ABCG8: variants seen among roughly 807,000 people sequenced by gnomAD.
The protein encoded by ABCG8 is ATP binding cassette subfamily G member 8.
In ABCG8, 81 loss-of-function variants were observed where a neutral mutation model predicts 71.3. The observed-to-expected ratio is 1.14, with a 90% CI of 0.95 to 1.37. The LOEUF is 1.37. Ranked by LOEUF, ABCG8 falls within the 40% of genes most tolerant of loss-of-function variation. ABCG8 has a pLI of 0.00. For missense variants in ABCG8, 1,119 were observed against 866.2 expected, an observed-to-expected ratio of 1.29 and a Z score of -3.66; for synonymous variants, 451 against 354.7, an observed-to-expected ratio of 1.27 and a Z score of -3.05.
chr2:43,872,810 C>T (rs915263472), intron 8 of ABCG8, among the ~76,000 whole-genome samples: 2 of 152,228 alleles, frequency 1.3e-5, no homozygotes, highest in Middle Eastern at 3.4e-3. Flanking sequence ...ATATCCTCAC[C>T]GGCTGGAAGA....
rs1360434465 is a variant in ABCG8, at chr2:43,872,215, C to T, written c.1128-8C>T. 6.2e-7 allele frequency: 1 copy of T among 1,613,994 alleles called. No homozygotes were observed. Among genetic ancestry groups the T allele is most frequent in the Non-Finnish European group, 8.5e-7 (1 of 1,180,028 alleles). ...CCCCATGACCTGGCCACATCTTCTG[C>T]CTCCCAGCAGCGTGACCCCACTAGA... On this transcript the variant is annotated splice_polypyrimidine_tract_variant and splice_region_variant and intron_variant, in intron 7 of 12. Coordinates refer to ENST00000272286, the MANE Select transcript of ABCG8 (RefSeq NM_022437.3).
At position 43,868,352 on chromosome 2, in the gene ABCG8, G is replaced by A. The variant is rs531289871; in HGVS notation, c.965-3624G>A. Among the ~76,000 whole-genome samples the A allele has an allele frequency of 6.0e-5, 9 of 150,976 alleles. No individual in the cohort carries two copies. In the South Asian group the frequency reaches 1.9e-3, roughly 32 times the overall value. ...CTGTCTGGTAGAATTCTCACTATCTGGATAGAACTCTCAGTATCTGTATAG... is the reference window on the plus strand; with the variant it reads ...CTGTCTGGTAGAATTCTCACTATCTAGATAGAACTCTCAGTATCTGTATAG... On this transcript the variant is annotated intron_variant, in intron 6 of 12. Coordinates refer to ENST00000272286, the MANE Select transcript of ABCG8 (RefSeq NM_022437.3).
At chr2:43,873,103 C>A (rs909753553) in intron 8 of ABCG8, among the ~76,000 whole-genome samples, 1 of 152,134 alleles carries the variant, frequency 6.6e-6, no homozygotes, top group Non-Finnish European at 1.5e-5. Flanking sequence ...CATAATCACC[C>A]ACCCATTAAG....
intron 1 of ABCG8, among the ~76,000 whole-genome samples, chr2:43,841,707 T>G (rs1008906656): frequency 3.9e-5 from 6 of 152,098 alleles, no homozygotes; most frequent in Non-Finnish European, 8.8e-5. Context: ...ACCTCTCCCC[T>G]TCCTCTTACC....
Position 43,882,574 on chromosome 2 carries a change from C to G in ABCG8, c.*4661C>G, listed in dbSNP as rs1485978800. 6.6e-6 allele frequency: 1 copy of G among 152,230 alleles called. No homozygotes were observed. The highest frequency in any genetic ancestry group is 1.5e-5 in the Non-Finnish European group (1 of 68,048). The allele number at this position is 152,230 out of a possible 1,614,324, so 9.4% of individuals were successfully genotyped here. A position where few individuals can be genotyped will look rare whatever the true frequency, so the allele number is the denominator to read the frequency against. ...CATCCTTATTTGTGAATAGTCTGCA[C>G]TAGATAATTCAGATTTCAAGTCATC... On this transcript the variant is annotated 3_prime_UTR_variant, in exon 13 of 13. Transcript: ENST00000272286.
chr2:43,847,615 G>C (rs1330619290), intron 3 of ABCG8: 1 of 152,074 alleles, frequency 6.6e-6, no homozygotes, highest in Non-Finnish European at 1.5e-5. Flanking sequence ...GTTGAGGCAG[G>C]AGAATGGCGT....
chr2:43,867,506 TG>T (rs1026945288), intron 6 of ABCG8, among the ~76,000 whole-genome samples: 53 of 151,624 alleles, frequency 3.5e-4, no homozygotes, highest in African/African-American at 1.3e-3. Context: ...TGGATAGAAC[TG>T]TCACTATCTG....
intron 6 of ABCG8, among the ~76,000 whole-genome samples, chr2:43,860,970 C>T (rs544267025): frequency 1.3e-5 from 2 of 151,450 alleles, no homozygotes; most frequent in Non-Finnish European, 3.0e-5. Flanking sequence ...TTCTCACTCT[C>T]TGGATAGAAC....
chr2:43,853,897 G>A (rs906230568), intron 6 of ABCG8, among the ~76,000 whole-genome samples: 19 of 152,074 alleles, frequency 1.2e-4, no homozygotes, highest in Admixed American at 3.9e-4. Context: ...AGGACAGGCC[G>A]CCCCTTGCCC....
rs367887512 is a variant in ABCG8 at position 43,844,572 on chromosome 2, G to T, written c.129G>T (p.Gln43His). The T allele has an allele frequency of 1.2e-6, 2 of 1,614,056 alleles. No homozygotes were observed. Among genetic ancestry groups the T allele is most frequent in the Non-Finnish European group, 1.7e-6 (2 of 1,180,018 alleles). ...DNSLYFTYSG[Q>H]PNTLEVRDLN... ...GCCTGTACTTCACCTACAGTGGCCAGCCCAACACCCTGGAGGTCAGAGACC... is the reference window on the plus strand; with the variant it reads ...GCCTGTACTTCACCTACAGTGGCCATCCCAACACCCTGGAGGTCAGAGACC... Residue 43 changes from glutamine (Q) to histidine (H), a missense_variant, in exon 2 of 13, where the codon CAG becomes CAT. Coordinates refer to ENST00000272286, the MANE Select transcript of ABCG8 (RefSeq NM_022437.3).
At chr2:43,843,585 T>C (rs1267319996) in intron 1 of ABCG8, among the ~76,000 whole-genome samples, 1 of 151,886 alleles carries the variant, frequency 6.6e-6, no homozygotes, top group African/African-American at 2.4e-5. Flanking sequence ...GCCTGAGAGG[T>C]TGAGGATGCA....
At chr2:43,870,737 C>A (rs1669735204) in intron 6 of ABCG8, among the ~76,000 whole-genome samples, 1 of 150,876 alleles carries the variant, frequency 6.6e-6, no homozygotes, top group Non-Finnish European at 1.5e-5. Context: ...AGAATCCTCA[C>A]TCTTTGGATA....
intron 6 of ABCG8, among the ~76,000 whole-genome samples, chr2:43,869,112 T>G (rs1572858727): frequency 6.6e-6 from 1 of 151,304 alleles, no homozygotes; most frequent in Admixed American, 6.6e-5. Flanking sequence ...TCACTATCTA[T>G]CTGGATATAA....
intron 3 of ABCG8, among the ~76,000 whole-genome samples, chr2:43,850,032 G>T (rs1043986364): frequency 2.0e-5 from 3 of 151,848 alleles, no homozygotes; most frequent in African/African-American, 4.8e-5. Context: ...AAACCCCGTC[G>T]CTGCTAAAAA....
In ABCG8 at chr2:43,880,943, C is replaced by T. The variant is rs941305080; in HGVS notation, c.*3030C>T. ...CTCCCAAGTCCAGCTTTCCCTGAGT[C>T]TGCAGCTGTCTTCCTCACACTCCCG... On this transcript the variant is annotated 3_prime_UTR_variant, in exon 13 of 13. Transcript: ENST00000272286. 6.6e-6 allele frequency: 1 copy of T among 152,384 alleles called. No homozygotes were observed. Among genetic ancestry groups the T allele is most frequent in the Non-Finnish European group, 1.5e-5 (1 of 68,136 alleles). The allele number at this position is 152,384 out of a possible 1,614,324, so 9.4% of individuals were successfully genotyped here.
At chr2:43,858,172 C>A (rs1439033543) in intron 6 of ABCG8, among the ~76,000 whole-genome samples, 1 of 151,292 alleles carries the variant, frequency 6.6e-6, no homozygotes, top group Non-Finnish European at 1.5e-5. Flanking sequence ...ATAGAGTTCT[C>A]ACCATATGGA....
At chr2:43,861,476 C>T (rs1209601586) in intron 6 of ABCG8, among the ~76,000 whole-genome samples, 3 of 151,350 alleles carry the variant, frequency 2.0e-5, no homozygotes, top group African/African-American at 7.2e-5. Context: ...ATAGAACTCT[C>T]ACTATCTATC....
Position 43,873,968 on chromosome 2 carries a change from C to T in ABCG8, c.1393C>T (p.Leu465=), listed in dbSNP as rs1669869509. 6.2e-7 allele frequency: 1 copy of T among 1,614,050 alleles called. No individual in the cohort carries two copies. Among genetic ancestry groups the T allele is most frequent in the Non-Finnish European group, 8.5e-7 (1 of 1,180,036 alleles). The change falls in exon 9 of 13, where the codon CTG becomes TTG. Residue 465 remains leucine (L), a synonymous_variant. Transcript: ENST00000272286. ...TGCTCTCATCCCTTTCAACGTCATTCTGGATGTCATCTCCAAATGTGAGTG... is the reference window on the plus strand; with the variant it reads ...TGCTCTCATCCCTTTCAACGTCATTTTGGATGTCATCTCCAAATGTGAGTG... ...IGALIPFNVI[L]DVISKCYSER...
At chr2:43,855,606 A>T (rs185744406) in intron 6 of ABCG8, among the ~76,000 whole-genome samples, 1 of 151,346 alleles carries the variant, frequency 6.6e-6, no homozygotes, top group African/African-American at 2.4e-5. Context: ...AGATAGAATT[A>T]TCACTCTCTG....
Sources: allele counts gnomAD v4.1 joint callset (sites outside exome capture counted in the v4.1 genomes callset), GRCh38; gene constraint gnomAD v4.1.1; transcripts MANE v1.5; gene names NCBI Gene and HGNC (gene_info 2026-07-23, HGNC 2026-07-21).